The following TAFA2 variants were observed in gnomAD, a reference collection of about 807,000 sequenced individuals.
The protein encoded by TAFA2 is chemokine-like protein TAFA-2.
In TAFA2, 7 loss-of-function variants were observed where a neutral mutation model predicts 18.8. The ratio of observed to expected loss-of-function variants is 0.37; its 90% CI spans 0.21 to 0.70. The LOEUF (loss-of-function observed/expected upper bound fraction) is 0.70, where lower values mean the gene tolerates loss of function less well. Among genes scored for constraint, TAFA2 ranks in the 30% least tolerant of loss-of-function variants. The pLI, the probability that TAFA2 is intolerant of heterozygous loss-of-function variation, is 0.53. For synonymous variants in TAFA2, 60 were observed against 54.2 expected (o/e 1.11, Z -0.47); for missense variants, 122 against 158.1 (o/e 0.77, Z 1.23).
chr12:61,734,923 CT>C (rs999573553), intron 4 of TAFA2, among the ~76,000 whole-genome samples: 2 of 152,012 alleles, frequency 1.3e-5, no homozygotes, highest in Admixed American at 6.6e-5. Flanking sequence ...TTGACAACCT[CT>C]TTATGTCTCA....
chr12:61,898,211 C>T (rs1046523875), intron 1 of TAFA2, among the ~76,000 whole-genome samples: 2 of 152,232 alleles, frequency 1.3e-5, no homozygotes, highest in African/African-American at 4.8e-5. Context: ...CCCCCAGCTG[C>T]TTTCACAGCT....
intron 1 of TAFA2, among the ~76,000 whole-genome samples, chr12:62,029,248 G>T (rs1339048036): frequency 6.6e-6 from 1 of 152,136 alleles, no homozygotes; most frequent in Non-Finnish European, 1.5e-5. Context: ...TGGAAGCAGG[G>T]TTTCACTTGA....
At chr12:61,798,032 C>T (rs1230339706) in intron 2 of TAFA2, among the ~76,000 whole-genome samples, 1 of 152,114 alleles carries the variant, frequency 6.6e-6, no homozygotes, top group East Asian at 1.9e-4. Context: ...CCAAAAAGAA[C>T]AAGGTATCAA....
intron 1 of TAFA2, among the ~76,000 whole-genome samples, chr12:61,909,178 C>A (rs542691628): frequency 6.6e-6 from 1 of 152,254 alleles, no homozygotes; most frequent in East Asian, 1.9e-4. Flanking sequence ...GCATTTTGAC[C>A]TTGAAGTCAC....
intron 4 of TAFA2, among the ~76,000 whole-genome samples, chr12:61,714,454 T>C (rs1869555561): frequency 6.6e-6 from 1 of 152,132 alleles, no homozygotes. Context: ...TCTGGTAACA[T>C]TAAGCAAAAA....
chr12:62,085,097 TA>T (rs1415444722), intron 1 of TAFA2, among the ~76,000 whole-genome samples: 2 of 152,286 alleles, frequency 1.3e-5, no homozygotes, highest in East Asian at 3.9e-4. Flanking sequence ...CCTGCTGCAG[TA>T]GCATCCCAGA....
chr12:62,177,787 TCA>T (rs1430039273), intron 1 of TAFA2, among the ~76,000 whole-genome samples: 3 of 152,106 alleles, frequency 2.0e-5, no homozygotes, highest in African/African-American at 7.2e-5. Context: ...TACCACATAT[TCA>T]GTCTCCAAGA....
At chr12:61,803,917 A>G (rs1347379803) in intron 2 of TAFA2, among the ~76,000 whole-genome samples, 7 of 152,032 alleles carry the variant, frequency 4.6e-5, no homozygotes, top group Non-Finnish European at 1.0e-4. Context: ...GCTATAATTT[A>G]TATATCACTC....
At chr12:62,181,789 G>T (rs982130259) in intron 1 of TAFA2, among the ~76,000 whole-genome samples, 1 of 152,188 alleles carries the variant, frequency 6.6e-6, no homozygotes, top group African/African-American at 2.4e-5. Context: ...GGCTTAGGGT[G>T]AGAAAATCCT....
intron 1 of TAFA2, among the ~76,000 whole-genome samples, chr12:61,941,695 T>C (rs912771512): frequency 3.3e-5 from 5 of 152,110 alleles, no homozygotes; most frequent in Non-Finnish European, 4.4e-5. Flanking sequence ...GGGTGACAGA[T>C]GCACCTGGAA....
intron 1 of TAFA2, among the ~76,000 whole-genome samples, chr12:61,965,472 T>C (rs923132362): frequency 1.3e-4 from 19 of 151,854 alleles, no homozygotes; most frequent in African/African-American, 4.6e-4. Context: ...TGGGGAAATA[T>C]CATACTTAAG....
intron 1 of TAFA2, among the ~76,000 whole-genome samples, chr12:62,185,334 TC>T (rs1309727339): frequency 6.6e-6 from 1 of 152,218 alleles, no homozygotes; most frequent in Non-Finnish European, 1.5e-5. Flanking sequence ...TTGAATTGCT[TC>T]ACTGAAATGT....
At chr12:62,108,447 T>C (rs1245361) in intron 1 of TAFA2, among the ~76,000 whole-genome samples, 141,696 of 152,260 alleles carry the variant, frequency 0.93, 65,968 homozygotes, top group Non-Finnish European at 0.94. Context: ...GTGCATTAAA[T>C]GTACATGTGT....
At chr12:62,063,109 T>G (rs990315893) in intron 1 of TAFA2, among the ~76,000 whole-genome samples, 4 of 152,108 alleles carry the variant, frequency 2.6e-5, no homozygotes, top group Non-Finnish European at 5.9e-5. Context: ...AGGTAATATA[T>G]TCACAATTTC....
At chr12:61,939,996 C>A (rs1316920297) in intron 1 of TAFA2, among the ~76,000 whole-genome samples, 1 of 152,166 alleles carries the variant, frequency 6.6e-6, no homozygotes. Flanking sequence ...GTAAAATTGG[C>A]TTTCTGGATA....
intron 1 of TAFA2, among the ~76,000 whole-genome samples, chr12:62,199,912 C>T (rs990653364): frequency 1.4e-4 from 22 of 152,258 alleles, no homozygotes; most frequent in African/African-American, 5.3e-4. Context: ...ACCTCAACAG[C>T]ATCTGTTGTT....
chr12:62,170,132 G>A (rs1265196848), intron 1 of TAFA2, among the ~76,000 whole-genome samples: 2 of 152,098 alleles, frequency 1.3e-5, no homozygotes, highest in African/African-American at 2.4e-5. Flanking sequence ...AGTGAAAACT[G>A]CAGTCACAAG....
At chr12:62,084,450 C>G (rs1412712148) in intron 1 of TAFA2, among the ~76,000 whole-genome samples, 1 of 152,156 alleles carries the variant, frequency 6.6e-6, no homozygotes, top group African/African-American at 2.4e-5. Flanking sequence ...GGAAGGGTCT[C>G]TTGGCATATT....
chr12:62,089,832 T>G (rs1413362790), intron 1 of TAFA2, among the ~76,000 whole-genome samples: 1 of 152,114 alleles, frequency 6.6e-6, no homozygotes, highest in Non-Finnish European at 1.5e-5. Context: ...ACATACTTGA[T>G]TCCACTTTTG....
Sources: allele counts gnomAD v4.1 joint callset (sites outside exome capture counted in the v4.1 genomes callset), GRCh38; gene constraint gnomAD v4.1.1; transcripts MANE v1.5; gene names NCBI Gene and HGNC (gene_info 2026-07-23, HGNC 2026-07-21).